The following NUSAP1 variants were observed in gnomAD, a reference collection of about 807,000 sequenced individuals.
NUSAP1 encodes nucleolar and spindle-associated protein 1.
A neutral mutation model predicts 52.8 loss-of-function variants in NUSAP1; 32 were observed. That is an observed-to-expected ratio of 0.61 (90% CI 0.46 to 0.81). The LOEUF (loss-of-function observed/expected upper bound fraction) is 0.81. Ranked by LOEUF, NUSAP1 falls within the 40% of genes least tolerant of loss-of-function variation. The pLI is 0.00. For missense variants in NUSAP1, 499 were observed against 522.3 expected (o/e 0.96, Z 0.43); for synonymous variants, 195 against 183.1 (o/e 1.06, Z -0.52).
chr15:41,351,395 G>A (rs575902212), intron 4 of NUSAP1, among the ~76,000 whole-genome samples: 1 of 152,202 alleles, frequency 6.6e-6, no homozygotes, highest in South Asian at 2.1e-4. Flanking sequence ...GTGTTCCTTG[G>A]CTTGCAGCTG....
chr15:41,349,003 A>G (rs1416267566), intron 2 of NUSAP1, 95 bp from the exon 3 acceptor site: 8 of 1,257,146 alleles, frequency 6.4e-6, no homozygotes, highest in African/African-American at 3.0e-5. Flanking sequence ...TCTTTTGCAT[A>G]TGTAATATGT....
intron 8 of NUSAP1, among the ~76,000 whole-genome samples, chr15:41,373,618 T>A (rs1046924884): frequency 6.6e-6 from 1 of 151,074 alleles, no homozygotes; most frequent in Non-Finnish European, 1.5e-5. Flanking sequence ...CCCGGCTAAT[T>A]TTTGTATTTT....
At chr15:41,370,064 AT>A (rs1251389281) in intron 7 of NUSAP1, among the ~76,000 whole-genome samples, 1 of 150,074 alleles carries the variant, frequency 6.7e-6, no homozygotes, top group Non-Finnish European at 1.5e-5. Context: ...GCGAGACTCC[AT>A]CTCCAAAAAA....
At chr15:41,360,435 G>GC (rs1174013772) in intron 6 of NUSAP1, among the ~76,000 whole-genome samples, 1 of 152,140 alleles carries the variant, frequency 6.6e-6, no homozygotes, top group Non-Finnish European at 1.5e-5. Flanking sequence ...TCCTGCCTCA[G>GC]CCTCCTGAGT....
intron 4 of NUSAP1, among the ~76,000 whole-genome samples, chr15:41,354,882 T>A (rs1299987885): frequency 6.6e-6 from 1 of 150,746 alleles, no homozygotes; most frequent in Non-Finnish European, 1.5e-5. Context: ...TAGCCGGGTG[T>A]GGGGGCGGGC....
rs1253214816 is a variant in NUSAP1, at chr15:41,349,152, A to T, written c.217A>T (p.Asn73Tyr). 2.5e-6 allele frequency: 4 copies of T among 1,613,928 alleles called. No individual in the cohort carries two copies. Among genetic ancestry groups the T allele is most frequent in the Non-Finnish European group, 3.4e-6 (4 of 1,179,778 alleles). Residue 73 changes from asparagine to tyrosine, a missense_variant, in exon 3 of 11, where the codon AAC becomes TAC. Coordinates refer to ENST00000559596, the MANE Select transcript of NUSAP1 (RefSeq NM_016359.5). ...SCDETEIQIS[N>Y]QEEAERQPLG... ...TGATGAGACTGAGATACAGATCAGC[A>T]ACCAGGAAGAAGCTGAGAGACAGCC...
intron 7 of NUSAP1, 68 bp from the exon 8 acceptor site, chr15:41,371,459 A>C: frequency 7.3e-7 from 1 of 1,362,194 alleles, no homozygotes; most frequent in Non-Finnish European, 9.8e-7. Flanking sequence ...AAGTGGTTTT[A>C]TTTATAAGCT....
At chr15:41,370,706 C>T (rs1285158196) in intron 7 of NUSAP1, among the ~76,000 whole-genome samples, 1 of 145,488 alleles carries the variant, frequency 6.9e-6, no homozygotes, top group South Asian at 2.2e-4. Flanking sequence ...CCCAACATCG[C>T]ACCATTGCAC....
intron 1 of NUSAP1, among the ~76,000 whole-genome samples, chr15:41,340,841 G>A (rs1033431688): frequency 1.3e-5 from 2 of 152,228 alleles, no homozygotes; most frequent in Non-Finnish European, 2.9e-5. Flanking sequence ...TTCTGGTAAA[G>A]TGGATTGGAG....
chr15:41,360,127 A>C (rs1037968869), intron 6 of NUSAP1, among the ~76,000 whole-genome samples: 4 of 150,286 alleles, frequency 2.7e-5, no homozygotes, highest in Non-Finnish European at 4.4e-5. Context: ...CCCAGCTAAT[A>C]TTTGTATTTG....
At chr15:41,341,997 A>C (rs1396905381) in intron 1 of NUSAP1, among the ~76,000 whole-genome samples, 1 of 151,890 alleles carries the variant, frequency 6.6e-6, no homozygotes, top group African/African-American at 2.4e-5. Context: ...CCATTCCTCT[A>C]CCTCTTTCTC....
chr15:41,345,084 G>A (rs137900827), intron 2 of NUSAP1, among the ~76,000 whole-genome samples: 20 of 151,758 alleles, frequency 1.3e-4, no homozygotes, highest in Middle Eastern at 3.5e-3. Flanking sequence ...ACTGCAGCCT[G>A]GACCCCCCAG....
At chr15:41,372,850 G>A (rs1473071636) in intron 8 of NUSAP1, among the ~76,000 whole-genome samples, 1 of 152,180 alleles carries the variant, frequency 6.6e-6, no homozygotes, top group East Asian at 1.9e-4. Context: ...CACTTAGGGA[G>A]GCCGAGGTGG....
At chr15:41,362,046 C>G (rs995795429) in intron 6 of NUSAP1, among the ~76,000 whole-genome samples, 1 of 151,800 alleles carries the variant, frequency 6.6e-6, no homozygotes, top group African/African-American at 2.4e-5. Flanking sequence ...GTCAAATGGC[C>G]CTCTAAAAAG....
chr15:41,357,053 T>G (rs1357611482), intron 5 of NUSAP1, among the ~76,000 whole-genome samples: 1 of 152,178 alleles, frequency 6.6e-6, no homozygotes, highest in Non-Finnish European at 1.5e-5. Context: ...GAGTGGTTTT[T>G]ACATTTTTTA....
At chr15:41,374,551 GAC>G (rs1375712532) in intron 8 of NUSAP1, among the ~76,000 whole-genome samples, 1 of 151,996 alleles carries the variant, frequency 6.6e-6, no homozygotes, top group Non-Finnish European at 1.5e-5. Context: ...CTTTTTTTGA[GAC>G]ACAGTCTCAC....
In NUSAP1 at chr15:41,351,095, C is replaced by G. The variant is rs747528263; in HGVS notation, c.414C>G (p.Asp138Glu). ...CTGCAAAAGTTCCTTCTCCACCAGA[C>G]GAGCACCAAGAAGCTGAGAATGCTG... ...RATAKVPSPP[D>E]EHQEAENAVS... Residue 138 changes from aspartate (D) to glutamate (E), a missense_variant, in exon 4 of 11, where the codon GAC becomes GAG. Coordinates refer to ENST00000559596, the MANE Select transcript of NUSAP1 (RefSeq NM_016359.5). 2.0e-5 allele frequency: 32 copies of G among 1,613,434 alleles called. No individual in the cohort carries two copies. Among genetic ancestry groups the G allele is most frequent in the Non-Finnish European group, 2.5e-5 (30 of 1,179,780 alleles).
chr15:41,345,686 A>G (rs2048541932), intron 2 of NUSAP1: 2 of 257,134 alleles, frequency 7.8e-6, no homozygotes, highest in Non-Finnish European at 1.5e-5. Flanking sequence ...TCAAACTCCC[A>G]ACCTCAGGTG....
At position 41,358,188 on chromosome 15, in the gene NUSAP1, A is replaced by C. The variant is rs376215528; in HGVS notation, c.590A>C (p.Glu197Ala). Residue 197 changes from glutamate (E) to alanine (A), a missense_variant, in exon 6 of 11, where the codon GAG becomes GCG. Physicochemically the swap from Glu to Ala is moderately radical, Grantham distance 107. Transcript: ENST00000559596. Reference sequence around the variant, plus strand: ...CATGAAGCTCATTTTAAGGAAATGGAGTCCATTGATCAATATATTGAGAGA... The same window carrying C: ...CATGAAGCTCATTTTAAGGAAATGGCGTCCATTGATCAATATATTGAGAGA... ...KLHEAHFKEM[E>A]SIDQYIERKK... The C allele has an allele frequency of 1.2e-5, 19 of 1,574,948 alleles. No homozygotes were observed. The highest frequency in any genetic ancestry group is 1.7e-5 in the Non-Finnish European group (19 of 1,150,198).
Sources: gnomAD v4.1 joint callset for allele counts (sites outside exome capture counted in the v4.1 genomes callset) on GRCh38, gnomAD v4.1.1 for gene constraint, MANE v1.5 for transcripts, NCBI Gene and HGNC (gene_info 2026-07-23, HGNC 2026-07-21) for gene names.